The following CBLN2 variants were observed in gnomAD, a reference collection of about 807,000 sequenced individuals.
The protein encoded by CBLN2 is cerebellin-2.
In CBLN2, 7 loss-of-function variants were observed where a neutral mutation model predicts 15.0. The observed-to-expected ratio is 0.47, with a 90% CI of 0.27 to 0.88. The LOEUF (loss-of-function observed/expected upper bound fraction) is 0.88, where lower values mean the gene tolerates loss of function less well. CBLN2 is among the 40% of genes least tolerant of loss of function. The probability of loss-of-function intolerance (pLI) is 0.14; values close to 1 mark genes in which losing one functional copy is unlikely to be tolerated. For missense variants in CBLN2, 242 were observed against 304.5 expected (o/e 0.79, Z 1.53); for synonymous variants, 149 against 135.2 (o/e 1.10, Z -0.71).
intron 1 of CBLN2, among the ~76,000 whole-genome samples, chr18:72,581,357 T>C (rs1190069027): frequency 6.6e-6 from 1 of 152,240 alleles, no homozygotes; most frequent in African/African-American, 2.4e-5. Context: ...TATCAATATA[T>C]GAGAATTTTA....
rs748857187 is a variant in CBLN2, at chr18:72,541,882, C to A, written c.279G>T (p.Val93=). Residue 93 remains valine, a synonymous_variant, in exon 3 of 5, where the codon GTG becomes GTT. Transcript: ENST00000269503. ...TGGTGCTCCGCGTGGCGGAGAAGGC[C>A]ACCTTGGCGCTGCCGGAGCGCACGG... ...GISVRSGSAK[V]AFSATRSTNH... is the part of the protein sequence containing the mutation. 3 of 1,606,604 alleles carry A rather than the reference C, an allele frequency of 1.9e-6. No individual in the cohort carries two copies.
At chr18:72,563,358 G>A (rs2144896412) in intron 1 of CBLN2, among the ~76,000 whole-genome samples, 1 of 152,232 alleles carries the variant, frequency 6.6e-6, no homozygotes, top group South Asian at 2.1e-4. Flanking sequence ...AGTGGAAATG[G>A]TTCTGAATGA....
chr18:72,538,382 C>CAGAG lies in CBLN2; in HGVS notation c.478-13_478-10dup. The CAGAG allele has an allele frequency of 5.0e-6, 8 of 1,614,000 alleles. No individual in the cohort carries two copies. The highest frequency in any genetic ancestry group is 6.8e-6 in the Non-Finnish European group (8 of 1,179,990). ...TTCTGCATTAAACTGACCTAAAATG[C>CAGAG]AGAGAGTAGAGCTCAGCAGACCATA... On this transcript the variant is annotated splice_polypyrimidine_tract_variant and intron_variant, in intron 4 of 4. Transcript: ENST00000269503.
At chr18:72,633,006 CTA>C in intron 1 of CBLN2, among the ~76,000 whole-genome samples, 1 of 152,284 alleles carries the variant, frequency 6.6e-6, no homozygotes, top group South Asian at 2.1e-4. Flanking sequence ...CTTAGTGTAA[CTA>C]TAGCTCAATT....
upstream of CBLN2, among the ~76,000 whole-genome samples, chr18:72,547,142 AC>A (rs2069163720): frequency 2.1e-5 from 3 of 140,382 alleles, no homozygotes; most frequent in Non-Finnish European, 4.7e-5. Flanking sequence ...ACACACACAC[AC>A]ACACAATTGG....
chr18:72,551,237 T>TACACATGTC (rs1359986192), intron 1 of CBLN2, among the ~76,000 whole-genome samples: 7 of 152,292 alleles, frequency 4.6e-5, no homozygotes, highest in African/African-American at 1.4e-4. Flanking sequence ...GGGTAAAATG[T>TACACATGTC]TTATATATAT....
chr18:72,547,473 T>C (rs566937357), upstream of CBLN2, among the ~76,000 whole-genome samples: 2 of 152,178 alleles, frequency 1.3e-5, no homozygotes, highest in Non-Finnish European at 2.9e-5. Context: ...AAATTAAAAA[T>C]TTAAAAAATT....
At chr18:72,553,077 G>T (rs2069201215) in intron 1 of CBLN2, among the ~76,000 whole-genome samples, 1 of 152,178 alleles carries the variant, frequency 6.6e-6, no homozygotes. Flanking sequence ...TGTGCAAAAT[G>T]CTGCTGAGAG....
rs2144871097 is a variant in CBLN2 at position 72,543,851 on chromosome 18, G to T, written c.-212+126C>A. On this transcript the variant is annotated intron_variant, in intron 1 of 4. Coordinates refer to ENST00000269503, the MANE Select transcript of CBLN2 (RefSeq NM_182511.4). The surrounding 1 kb of genome is among the most constrained non-coding windows in gnomAD (Gnocchi z 6.8). Reference sequence around the variant, plus strand: ...CGTCCGCAGCGCGGCTCCCTCGCGGGTCCCCTCGGCCCCGCAGCCCCGCCA... The same window carrying T: ...CGTCCGCAGCGCGGCTCCCTCGCGGTTCCCCTCGGCCCCGCAGCCCCGCCA... 1 of 156,934 alleles carries T rather than the reference G, an allele frequency of 6.4e-6. No homozygotes were observed. Among genetic ancestry groups the T allele is most frequent in the East Asian group, 1.8e-4 (1 of 5,448 alleles). 9.7% of individuals were successfully genotyped at this position (156,934 alleles called of 1,614,324 possible).
chr18:72,587,382 AT>A (rs1365207944), intron 1 of CBLN2, among the ~76,000 whole-genome samples: 1 of 152,114 alleles, frequency 6.6e-6, no homozygotes, highest in African/African-American at 2.4e-5. Context: ...AATAAAATAA[AT>A]TTTTTAAAAG....
chr18:72,636,357 G>A lies in CBLN2; in HGVS notation c.15+1968C>T, dbSNP rs541670169. Among the ~76,000 whole-genome samples the A allele has an allele frequency of 2.0e-5, 3 of 152,200 alleles. No individual in the cohort carries two copies. In the East Asian group the frequency reaches 5.8e-4, roughly 29 times the overall value. Reference sequence around the variant, plus strand: ...GCAAGTCACAACACGGTAAGTTAACGTAACATAGCCAATAAAATGATAAAT... The same window carrying A: ...GCAAGTCACAACACGGTAAGTTAACATAACATAGCCAATAAAATGATAAAT... On this transcript the variant is annotated intron_variant, in intron 1 of 2. Coordinates refer to the CBLN2 transcript ENST00000581073.
At chr18:72,626,214 A>G (rs975513882) in intron 1 of CBLN2, among the ~76,000 whole-genome samples, 5 of 152,166 alleles carry the variant, frequency 3.3e-5, no homozygotes, top group Non-Finnish European at 7.3e-5. Context: ...AGAATAAGAA[A>G]TGATCTCTGT....
rs1025041145 is a variant in CBLN2 at position 72,544,293 on chromosome 18, G to A, written c.-528C>T. The A allele has an allele frequency of 6.6e-6, 1 of 152,218 alleles. No individual in the cohort carries two copies. The highest frequency in any genetic ancestry group is 1.5e-5 in the Non-Finnish European group (1 of 68,068). The allele number at this position is 152,218 out of a possible 1,614,324, so 9.4% of individuals were successfully genotyped here. A position where few individuals can be genotyped will look rare whatever the true frequency, so the allele number is the denominator to read the frequency against. ...CTGTCCGGTTCCCGCAGGGCTAGAAGAGGGGCCTCCGGCCCGGGTCTGTGT... is the reference window on the plus strand; with the variant it reads ...CTGTCCGGTTCCCGCAGGGCTAGAAAAGGGGCCTCCGGCCCGGGTCTGTGT... On this transcript the variant is annotated 5_prime_UTR_variant, in exon 1 of 5. Coordinates refer to ENST00000269503, the MANE Select transcript of CBLN2 (RefSeq NM_182511.4).
At chr18:72,588,467 C>CTCTATCTA (rs544171684) in intron 1 of CBLN2, among the ~76,000 whole-genome samples, 10 of 152,198 alleles carry the variant, frequency 6.6e-5, no homozygotes, top group Non-Finnish European at 1.0e-4. Context: ...AAACCACCAC[C>CTCTATCTA]TCTATCTAGT....
intron 1 of CBLN2, among the ~76,000 whole-genome samples, chr18:72,580,969 C>T (rs1457687879): frequency 3.3e-5 from 5 of 152,116 alleles, no homozygotes; most frequent in South Asian, 2.1e-4. Flanking sequence ...GCCAGTATTC[C>T]GCTAAGCCAG....
intron 1 of CBLN2, among the ~76,000 whole-genome samples, chr18:72,604,254 C>G (rs1456892366): frequency 6.6e-6 from 1 of 152,138 alleles, no homozygotes; most frequent in African/African-American, 2.4e-5. Flanking sequence ...ATGCATTGCT[C>G]TAATTAAAGC....
intron 1 of CBLN2, among the ~76,000 whole-genome samples, chr18:72,574,986 C>A (rs1210276986): frequency 6.6e-6 from 1 of 151,958 alleles, no homozygotes; most frequent in Non-Finnish European, 1.5e-5. Flanking sequence ...TGAAACAGGT[C>A]GGGGCAAGGG....
chr18:72,637,398 C>T (rs973716750), intron 1 of CBLN2, among the ~76,000 whole-genome samples: 1 of 152,102 alleles, frequency 6.6e-6, no homozygotes, highest in African/African-American at 2.4e-5. Flanking sequence ...TTGGTGACAG[C>T]AAATGCAAGC....
At chr18:72,578,167 C>T (rs546365020) in intron 1 of CBLN2, among the ~76,000 whole-genome samples, 1 of 152,224 alleles carries the variant, frequency 6.6e-6, no homozygotes, top group East Asian at 1.9e-4. Flanking sequence ...TATAAACATT[C>T]AATAAATGGT....
Sources: allele counts gnomAD v4.1 joint callset (sites outside exome capture counted in the v4.1 genomes callset), GRCh38; gene constraint gnomAD v4.1.1; non-coding constraint Gnocchi (gnomAD v3.1); transcripts MANE v1.5; gene names NCBI Gene and HGNC (gene_info 2026-07-23, HGNC 2026-07-21).